CIROZ: variants seen among roughly 807,000 people sequenced by gnomAD.
CIROZ encodes ciliated left-right organizer ZP-N domains-containing protein.
At chr1:10,980,900 C>G in the CIROZ span, among the ~76,000 whole-genome samples, 1 of 152,240 alleles carries the variant, frequency 6.6e-6, no homozygotes, top group East Asian at 1.9e-4. Context: ...GGACAGGGCC[C>G]GGACCTCCCC....
chr1:10,956,982 A>C, the CIROZ span: 28 of 1,502,014 alleles, frequency 1.9e-5, no homozygotes, highest in Non-Finnish European at 2.3e-5. Flanking sequence ...GAATGTGATG[A>C]AGTTGGAAAG....
At chr1:10,961,050 A>G in the CIROZ span, among the ~76,000 whole-genome samples, 145 of 152,242 alleles carry the variant, frequency 9.5e-4, 2 homozygotes, top group South Asian at 0.026. Flanking sequence ...GATGCCAGGG[A>G]CTGGGGCATT....
At chr1:10,947,098 T>A in the CIROZ span, among the ~76,000 whole-genome samples, 2 of 152,152 alleles carry the variant, frequency 1.3e-5, no homozygotes, top group African/African-American at 2.4e-5. Flanking sequence ...AACAGCCCCA[T>A]CGGGAGGAAT....
At chr1:10,955,452 C>T in the CIROZ span, among the ~76,000 whole-genome samples, 1 of 152,154 alleles carries the variant, frequency 6.6e-6, no homozygotes, top group Non-Finnish European at 1.5e-5. Flanking sequence ...GAAGCAGATG[C>T]CAGGAGGGAA....
chr1:10,952,250 C>A, the CIROZ span, among the ~76,000 whole-genome samples: 5 of 152,016 alleles, frequency 3.3e-5, no homozygotes, highest in Non-Finnish European at 7.4e-5. Context: ...GTGCTGGGAA[C>A]CAGGGAGGGG....
chr1:10,968,888 A>G, the CIROZ span, among the ~76,000 whole-genome samples: 1 of 152,260 alleles, frequency 6.6e-6, no homozygotes, highest in African/African-American at 2.4e-5. Flanking sequence ...CCAAAGCCAT[A>G]AAAATTACTT....
the CIROZ span, chr1:10,949,647 G>A: frequency 5.7e-4 from 915 of 1,605,922 alleles, 3 homozygotes; most frequent in Non-Finnish European, 3.1e-4. Context: ...TCGGAAGGCC[G>A]GTGCAGGAGG....
the CIROZ span, among the ~76,000 whole-genome samples, chr1:10,953,206 T>C: frequency 1.3e-5 from 2 of 152,212 alleles, no homozygotes; most frequent in Admixed American, 1.3e-4. Flanking sequence ...AAACATCATA[T>C]CCTCGTGACA....
At chr1:10,978,070 G>C in the CIROZ span, among the ~76,000 whole-genome samples, 1 of 151,894 alleles carries the variant, frequency 6.6e-6, no homozygotes, top group Non-Finnish European at 1.5e-5. Flanking sequence ...TCAGGAGGCT[G>C]AGGCAGGAGA....
chr1:10,980,281 C>A, the CIROZ span, among the ~76,000 whole-genome samples: 297 of 152,350 alleles, frequency 1.9e-3, 1 homozygote, highest in African/African-American at 6.5e-3. Context: ...CTAAGCTGAG[C>A]CTGCAGCCTT....
At chr1:10,947,440 T>A in the CIROZ span, among the ~76,000 whole-genome samples, 2 of 152,230 alleles carry the variant, frequency 1.3e-5, no homozygotes, top group African/African-American at 4.8e-5. Context: ...CTGGCTTGGA[T>A]GGCCCCAGTG....
At chr1:10,951,111 G>C in the CIROZ span, among the ~76,000 whole-genome samples, 2 of 152,130 alleles carry the variant, frequency 1.3e-5, no homozygotes, top group East Asian at 3.8e-4. Flanking sequence ...CACCCCGAGA[G>C]GCATTTCCAT....
chr1:10,952,276 T>G, the CIROZ span, among the ~76,000 whole-genome samples: 1 of 152,098 alleles, frequency 6.6e-6, no homozygotes, highest in Admixed American at 6.6e-5. Flanking sequence ...TTCATTCTGG[T>G]TGCTGATGTA....
At chr1:10,963,554 G>A in the CIROZ span, among the ~76,000 whole-genome samples, 1 of 151,874 alleles carries the variant, frequency 6.6e-6, no homozygotes, top group African/African-American at 2.4e-5. Context: ...TCCAAATCAT[G>A]TTTAGCTTAC....
the CIROZ span, among the ~76,000 whole-genome samples, chr1:10,963,392 A>AAAAAC: frequency 1.3e-5 from 2 of 152,210 alleles, no homozygotes; most frequent in African/African-American, 4.8e-5. Flanking sequence ...CCATCTCAAA[A>AAAAAC]AAACAAACAA....
the CIROZ span, among the ~76,000 whole-genome samples, chr1:10,980,216 G>C: frequency 2.6e-5 from 4 of 152,372 alleles, no homozygotes; most frequent in African/African-American, 9.6e-5. Flanking sequence ...AGGGCCCACA[G>C]TCTCCCCAGA....
the CIROZ span, among the ~76,000 whole-genome samples, chr1:10,973,138 C>T: frequency 8.7e-4 from 133 of 152,132 alleles, no homozygotes; most frequent in African/African-American, 3.1e-3. Flanking sequence ...TCTGGGATGC[C>T]GAAGTGGGCA....
the CIROZ span, chr1:10,966,411 C>G: frequency 2.6e-6 from 4 of 1,536,938 alleles, no homozygotes; most frequent in Non-Finnish European, 3.5e-6. Flanking sequence ...AAGTCACCGT[C>G]TGAAGCCAGA....
At chr1:10,948,456 G>T in the CIROZ span, 1 of 1,613,844 alleles carries the variant, frequency 6.2e-7, no homozygotes, top group Non-Finnish European at 8.5e-7. Context: ...CAGCAGGAGG[G>T]GACTTCCTGG....
Sources: allele counts gnomAD v4.1 joint callset (sites outside exome capture counted in the v4.1 genomes callset), GRCh38; gene constraint gnomAD v4.1.1; transcripts MANE v1.5; gene names NCBI Gene and HGNC (gene_info 2026-07-23, HGNC 2026-07-21).